PHF24: variants seen among roughly 807,000 people sequenced by gnomAD.
The protein encoded by PHF24 is Galpha inhibitory interacting protein.
Under a neutral mutation model 42.6 loss-of-function variants are expected in PHF24, and 25 were observed. The observed-to-expected ratio is 0.59, with a 90% CI of 0.43 to 0.82. PHF24 has a LOEUF of 0.82. Ranked by LOEUF, PHF24 falls within the 40% of genes least tolerant of loss-of-function variation. The probability of loss-of-function intolerance (pLI) is 0.00; values close to 1 mark genes in which losing one functional copy is unlikely to be tolerated. For synonymous variants in PHF24, 185 were observed against 204.8 expected, an observed-to-expected ratio of 0.90 and a Z score of 0.83; for missense variants, 470 against 538.1, an observed-to-expected ratio of 0.87 and a Z score of 1.25.
the PHF24 span, chr9:34,917,576 G>C: frequency 1.2e-5 from 9 of 775,592 alleles, no homozygotes; most frequent in South Asian, 1.2e-4. Context: ...GTTTGGCATG[G>C]AGCAGGAATA....
At chr9:34,740,890 CTT>C in the PHF24 span, among the ~76,000 whole-genome samples, 4 of 146,488 alleles carry the variant, frequency 2.7e-5, no homozygotes, top group Non-Finnish European at 4.5e-5. Flanking sequence ...CTCTCTCTCT[CTT>C]TTTTTTTTTG....
At chr9:34,776,986 G>A in the PHF24 span, among the ~76,000 whole-genome samples, 1 of 152,220 alleles carries the variant, frequency 6.6e-6, no homozygotes, top group Non-Finnish European at 1.5e-5. Flanking sequence ...GCTGTAAACA[G>A]CATCAGTGGT....
the PHF24 span, chr9:34,710,020 A>G: frequency 6.2e-7 from 1 of 1,614,144 alleles, no homozygotes; most frequent in Admixed American, 1.7e-5. Flanking sequence ...GGGGATGCCA[A>G]AGGCCAGAAC....
At chr9:34,737,032 A>G in the PHF24 span, among the ~76,000 whole-genome samples, 1 of 152,186 alleles carries the variant, frequency 6.6e-6, no homozygotes, top group Non-Finnish European at 1.5e-5. Context: ...TATTTTAAAA[A>G]TTAAGGTAAA....
chr9:34,763,605 A>C, the PHF24 span, among the ~76,000 whole-genome samples: 1 of 152,072 alleles, frequency 6.6e-6, no homozygotes, highest in Non-Finnish European at 1.5e-5. Flanking sequence ...GGGCTGAGAC[A>C]ATGGGGTTTT....
chr9:34,856,521 C>T, the PHF24 span, among the ~76,000 whole-genome samples: 1 of 152,294 alleles, frequency 6.6e-6, no homozygotes, highest in East Asian at 1.9e-4. Flanking sequence ...AACAGTCAGG[C>T]CACTCTTCTG....
intron 1 of PHF24, among the ~76,000 whole-genome samples, chr9:34,968,545 A>T (rs1826860003): frequency 6.6e-6 from 1 of 152,198 alleles, no homozygotes; most frequent in African/African-American, 2.4e-5. Context: ...CTTTCCTATC[A>T]ATCAGTTTAT....
the PHF24 span, chr9:34,666,014 A>C: frequency 1.3e-5 from 4 of 318,218 alleles, no homozygotes; most frequent in Non-Finnish European, 1.8e-5. Context: ...CGCAGCCTAA[A>C]CTCCCGCCCT....
At chr9:34,860,533 A>G in the PHF24 span, among the ~76,000 whole-genome samples, 4 of 152,130 alleles carry the variant, frequency 2.6e-5, no homozygotes, top group Non-Finnish European at 4.4e-5. Context: ...CTTTGTTGCC[A>G]TCATATGAAC....
At chr9:34,930,807 T>C in the PHF24 span, among the ~76,000 whole-genome samples, 1 of 152,242 alleles carries the variant, frequency 6.6e-6, no homozygotes, top group Non-Finnish European at 1.5e-5. Flanking sequence ...ATATTGTTCA[T>C]AAACTTGTTT....
chr9:34,846,746 A>G, the PHF24 span, among the ~76,000 whole-genome samples: 50 of 152,214 alleles, frequency 3.3e-4, no homozygotes, highest in Admixed American at 4.6e-4. Context: ...TAACATGTAA[A>G]TCTTTAATCC....
chr9:34,729,873 A>C, the PHF24 span, among the ~76,000 whole-genome samples: 2 of 152,198 alleles, frequency 1.3e-5, no homozygotes, highest in African/African-American at 4.8e-5. Flanking sequence ...AGAAACACAC[A>C]TGAATTTAGG....
At chr9:34,688,693 G>GT in the PHF24 span, among the ~76,000 whole-genome samples, 1 of 152,226 alleles carries the variant, frequency 6.6e-6, no homozygotes, top group African/African-American at 2.4e-5. Flanking sequence ...ACCTTGCTCA[G>GT]TTTGGCTGAG....
the PHF24 span, among the ~76,000 whole-genome samples, chr9:34,712,103 C>CT: frequency 5.3e-5 from 8 of 149,716 alleles, no homozygotes; most frequent in South Asian, 2.1e-4. Context: ...TCTTGTTTGA[C>CT]TTTTTTTTTT....
chr9:34,873,507 A>T, the PHF24 span, among the ~76,000 whole-genome samples: 1 of 151,538 alleles, frequency 6.6e-6, no homozygotes, highest in East Asian at 1.9e-4. Flanking sequence ...CAAAGATCAG[A>T]TGGTTGTAGA....
the PHF24 span, among the ~76,000 whole-genome samples, chr9:34,733,909 G>C: frequency 6.6e-6 from 1 of 152,018 alleles, no homozygotes; most frequent in Non-Finnish European, 1.5e-5. Context: ...TTTGATAAAT[G>C]AATGAAGTTA....
the PHF24 span, among the ~76,000 whole-genome samples, chr9:34,785,246 T>C: frequency 2.6e-5 from 4 of 152,166 alleles, no homozygotes; most frequent in Admixed American, 2.6e-4. Flanking sequence ...CTCACATAGG[T>C]GAAGGCAGAT....
At chr9:34,683,533 G>A in the PHF24 span, among the ~76,000 whole-genome samples, 3 of 152,246 alleles carry the variant, frequency 2.0e-5, no homozygotes, top group East Asian at 1.9e-4. Flanking sequence ...AGGGTCTCAC[G>A]TGTCTGGGTG....
chr9:34,925,749 T>G, the PHF24 span, among the ~76,000 whole-genome samples: 3 of 152,154 alleles, frequency 2.0e-5, no homozygotes, highest in Non-Finnish European at 4.4e-5. Flanking sequence ...TCCTTAAGGT[T>G]GTTATTTTGA....
Sources: gnomAD v4.1 joint callset for allele counts (sites outside exome capture counted in the v4.1 genomes callset) on GRCh38, gnomAD v4.1.1 for gene constraint, MANE v1.5 for transcripts, NCBI Gene and HGNC (gene_info 2026-07-23, HGNC 2026-07-21) for gene names.